The following SARM1 variants were observed in gnomAD, a reference collection of about 807,000 sequenced individuals.
The protein encoded by SARM1 is NAD(+) hydrolase SARM1.
A neutral mutation model predicts 65.1 loss-of-function variants in SARM1; 60 were observed. The observed-to-expected ratio is 0.92, with a 90% CI of 0.75 to 1.14. SARM1 has a LOEUF of 1.14. Among genes scored for constraint, SARM1 ranks in the 50% most tolerant of loss-of-function variants. SARM1 has a pLI of 0.00. For synonymous variants in SARM1, 417 were observed against 465.4 expected (o/e 0.90, Z 1.34); for missense variants, 913 against 1,015.7 (o/e 0.90, Z 1.37).
chr17:28,375,594 T>TAA (rs201007293), intron 1 of SARM1, among the ~76,000 whole-genome samples: 7 of 94,794 alleles, frequency 7.4e-5, no homozygotes, highest in South Asian at 3.1e-4. Context: ...AGACTCCATC[T>TAA]AAAAAAAAAA....
intron 2 of SARM1, among the ~76,000 whole-genome samples, chr17:28,382,662 G>A (rs569362722): frequency 6.6e-6 from 1 of 152,212 alleles, no homozygotes; most frequent in African/African-American, 2.4e-5. Flanking sequence ...CAGTAAATTG[G>A]ACCACAGCAG....
At position 28,381,675 on chromosome 17, in the gene SARM1, G is replaced by A. The variant is rs951188002; in HGVS notation, c.943G>A (p.Ala315Thr). The A allele has an allele frequency of 5.8e-6, 9 of 1,558,706 alleles. No individual in the cohort carries two copies. The African/African-American group carries it at 9.6e-5, about 17-fold the overall frequency. The change falls in exon 2 of 9, where the codon GCC becomes ACC. Residue 315 changes from alanine (A) to threonine (T), a missense_variant. By Grantham distance (58) the Ala-to-Thr change is moderately conservative (BLOSUM62 0). Coordinates refer to ENST00000585482, the MANE Select transcript of SARM1 (RefSeq NM_015077.4). Reference protein sequence around the residue: ...PGRFARCLVDASDTSQGRGPD... With the variant: ...PGRFARCLVDTSDTSQGRGPD... ...CCGCTTCGCCCGCTGTCTGGTGGAC[G>A]CCAGCGACACAAGCCAGGGCCGCGG... is the stretch of plus-strand genomic sequence containing the variant.
chr17:28,394,186 C>T (rs192283048), intron 7 of SARM1, among the ~76,000 whole-genome samples: 1 of 152,278 alleles, frequency 6.6e-6, no homozygotes, highest in Admixed American at 6.5e-5. Context: ...CCTAATTTGT[C>T]AGATGTGCAT....
In SARM1 at chr17:28,388,256, C is replaced by G. The variant is rs150052156; in HGVS notation, c.1713C>G (p.Asn571Lys). The G allele has an allele frequency of 1.3e-6, 2 of 1,554,502 alleles. No homozygotes were observed. The highest frequency in any genetic ancestry group is 1.7e-6 in the Non-Finnish European group (2 of 1,149,410). ...TPDVFISYRR[N>K]SGSQLASLLK... is the part of the protein sequence containing the mutation. ...ATGTCTTCATCAGCTACCGCCGGAA[C>G]TCAGGTTCCCAGCTGGCCAGGTGAG... is the stretch of plus-strand genomic sequence containing the variant. The change falls in exon 6 of 9, where the codon AAC (asparagine) becomes AAG (lysine). Residue 571 changes from asparagine (N) to lysine (K), a missense_variant. Asn to Lys is a moderately conservative substitution (Grantham distance 94, BLOSUM62 0). Around this residue, in one of 3 missense-constraint regions of SARM1, gnomAD observed 862 missense variants for 952.1 expected, o/e 0.91. Transcript: ENST00000585482.
Position 28,385,226 on chromosome 17 carries a change from C to A in SARM1, c.1581C>A (p.Cys527Ter). 1 of 1,592,788 alleles carries A rather than the reference C, an allele frequency of 6.3e-7. No individual in the cohort carries two copies. The highest frequency in any genetic ancestry group is 2.3e-5 in the East Asian group (1 of 43,948). The change falls in exon 5 of 9, where the codon TGC (cysteine) becomes TGA (stop). Residue 527 changes from cysteine to a stop codon, truncating the protein, a stop_gained. Transcript: ENST00000585482. LOFTEE classifies it high-confidence loss of function. The surrounding 1 kb of genome is among the most constrained non-coding windows in gnomAD (Gnocchi z 4.5). The stretch of plus-strand genomic sequence containing the variant: ...CTGAGCAGCAGCTGCTGGAAGACTG[C>A]GGCATCCACCTGGGCGTGCACCGCG... ...RVSEQQLLEDCGIHLGVHRAR... is the reference protein window; with the variant it reads ...RVSEQQLLED
rs2068064667 is a variant in SARM1 at position 28,388,535 on chromosome 17, A to C, written c.1919A>C (p.His640Pro). Residue 640 changes from histidine to proline, a missense_variant, in exon 7 of 9, where the codon CAT becomes CCT. His to Pro is a moderately conservative substitution (Grantham distance 77). This residue lies in a region of SARM1 where 862 missense variants were observed against 952.1 expected (regional missense o/e 0.91). Transcript: ENST00000585482. Reference sequence around the variant, plus strand: ...GACCATGACTGCAAGGATTGGGTGCATAAGGTAGGTGCCTGCCTATGCTTC... The same window carrying C: ...GACCATGACTGCAAGGATTGGGTGCCTAAGGTAGGTGCCTGCCTATGCTTC... ...MQDHDCKDWV[H>P]KEIVTALSCG... is the part of the protein sequence containing the mutation. 5 of 1,612,930 alleles carry C rather than the reference A, an allele frequency of 3.1e-6. No individual in the cohort carries two copies. The highest frequency in any genetic ancestry group is 4.2e-6 in the Non-Finnish European group (5 of 1,179,812).
intron 1 of SARM1, among the ~76,000 whole-genome samples, chr17:28,377,517 T>A (rs1257740944): frequency 6.6e-6 from 1 of 152,134 alleles, no homozygotes; most frequent in Admixed American, 6.5e-5. Flanking sequence ...GTTGGGAGGA[T>A]GAATTTAACC....
chr17:28,398,460 C>A lies in SARM1; in HGVS notation c.*2174C>A, dbSNP rs531209426. ...ATACTAGGACAAACACAGCTCAGATCACCAGGTCAAGCACCTAGGCCTGGC... is the reference window on the plus strand; with the variant it reads ...ATACTAGGACAAACACAGCTCAGATAACCAGGTCAAGCACCTAGGCCTGGC... On this transcript the variant is annotated 3_prime_UTR_variant, in exon 9 of 9. Transcript: ENST00000585482. The A allele has an allele frequency of 6.6e-6, 1 of 152,356 alleles. No individual in the cohort carries two copies. Among genetic ancestry groups the A allele is most frequent in the East Asian group, 1.9e-4 (1 of 5,192 alleles). 9.4% of individuals were successfully genotyped at this position (152,356 alleles called of 1,614,324 possible).
At position 28,384,385 on chromosome 17, in the gene SARM1, G is replaced by A; in HGVS notation, c.1118G>A (p.Ser373Asn). Residue 373 changes from serine (S) to asparagine (N), a missense_variant, in exon 3 of 9, where the codon AGC (serine) becomes AAC (asparagine). Physicochemically the swap from Ser to Asn is conservative, Grantham distance 46 (BLOSUM62 1). This residue lies in a region of SARM1 where 862 missense variants were observed against 952.1 expected (regional missense o/e 0.91). Transcript: ENST00000585482. The surrounding 1 kb of genome is among the most constrained non-coding windows in gnomAD (Gnocchi z 4.4). Reference sequence around the variant, plus strand: ...TTCAGCGACATCGGCGCCATCCAGAGCCTGAAACGCCTGGTTTCCTACTCT... The same window carrying A: ...TTCAGCGACATCGGCGCCATCCAGAACCTGAAACGCCTGGTTTCCTACTCT... The part of the protein sequence containing the change: ...KVFSDIGAIQ[S>N]LKRLVSYSTN... 5 of 1,606,404 alleles carry A rather than the reference G, an allele frequency of 3.1e-6. No individual in the cohort carries two copies. Among genetic ancestry groups the A allele is most frequent in the Non-Finnish European group, 4.3e-6 (5 of 1,175,592 alleles).
Position 28,399,806 on chromosome 17 carries a change from G to A in SARM1, c.*3520G>A. On this transcript the variant is annotated 3_prime_UTR_variant, in exon 9 of 9. Transcript: ENST00000585482. ...ACACAGGATTTACTGGGGTGGGCTG[G>A]TCCAGGTAGCTCTCCTGAACCTCCT... The A allele has an allele frequency of 7.4e-7, 1 of 1,353,868 alleles. No individual in the cohort carries two copies. 83.9% of individuals were successfully genotyped at this position (1,353,868 alleles called of 1,614,324 possible).
chr17:28,379,264 A>G (rs2068008252), intron 1 of SARM1, among the ~76,000 whole-genome samples: 1 of 151,330 alleles, frequency 6.6e-6, no homozygotes, highest in Non-Finnish European at 1.5e-5. Flanking sequence ...TTAGGTGAAG[A>G]AACTCTAGGA....
chr17:28,396,019 G>A lies in SARM1; in HGVS notation c.2038G>A (p.Gly680Ser), dbSNP rs781794589. The A allele has an allele frequency of 1.2e-5, 20 of 1,613,746 alleles. No homozygotes were observed. The highest frequency in any genetic ancestry group is 6.7e-5 in the East Asian group (3 of 44,870). The change falls in exon 8 of 9, where the codon GGT (glycine) becomes AGT (serine). Residue 680 changes from glycine to serine, a missense_variant. By Grantham distance (56) the Gly-to-Ser change is moderately conservative. Transcript: ENST00000585482. ...CATGCAGGCTGTGCTTACTTTCAAC[G>A]GTATCAAGTGAGCCCCAGGGCCCTG... ...EDMQAVLTFN[G>S]IKWSHEYQEA...
Position 28,400,407 on chromosome 17 carries a change from T to G in SARM1, c.*4121T>G, listed in dbSNP as rs1172189711. The G allele has an allele frequency of 1.7e-6, 1 of 604,114 alleles. No homozygotes were observed. Among genetic ancestry groups the G allele is most frequent in the African/African-American group, 1.9e-5 (1 of 53,768 alleles). The allele number at this position is 604,114 out of a possible 1,614,324, so 37.4% of individuals were successfully genotyped here. ...GCAGCAATGTTAGCCTGATCCTTCC[T>G]CCACCTAGCTCGCCATCTCGCCCTT... On this transcript the variant is annotated 3_prime_UTR_variant, in exon 9 of 9. Transcript: ENST00000585482.
rs1315908845 is a variant in SARM1, at chr17:28,380,086, CT to C, written c.471-1103del. Among the ~76,000 whole-genome samples, 202 of 93,858 alleles carry C rather than the reference CT, an allele frequency of 2.2e-3. 1 individual carries two copies. In the East Asian group the frequency reaches 0.027, roughly 12 times the overall value. 61.6% of individuals were successfully genotyped at this position (93,858 alleles called of 152,430 possible). A position where few individuals can be genotyped will look rare whatever the true frequency, so the allele number is the denominator to read the frequency against. ...TTTTTTTTTTTCTGTCTCTCTCTCTCTTTTTTTTTTTTTTCTTTTGACACAG... is the reference window on the plus strand; with the variant it reads ...TTTTTTTTTTTCTGTCTCTCTCTCTCTTTTTTTTTTTTTCTTTTGACACAG... On this transcript the variant is annotated intron_variant, in intron 1 of 8. Coordinates refer to ENST00000585482, the MANE Select transcript of SARM1 (RefSeq NM_015077.4).
chr17:28,386,757 T>A (rs2068051933), intron 5 of SARM1: 1 of 152,220 alleles, frequency 6.6e-6, no homozygotes, highest in East Asian at 1.9e-4. Flanking sequence ...TTAATTAATT[T>A]GAGACAAGGT....
rs782633511 is a variant in SARM1 at position 28,399,630 on chromosome 17, G to T, written c.*3344G>T. The T allele has an allele frequency of 3.1e-6, 5 of 1,613,356 alleles. No homozygotes were observed. The highest frequency in any genetic ancestry group is 4.2e-6 in the Non-Finnish European group (5 of 1,179,348). The stretch of plus-strand genomic sequence containing the variant: ...GCTTGGTGTTCACTTTGCTCCTCTT[G>T]CCCTCTGTCTTCTGGTCCAGGCAGA... On this transcript the variant is annotated 3_prime_UTR_variant, in exon 9 of 9. Coordinates refer to ENST00000585482, the MANE Select transcript of SARM1 (RefSeq NM_015077.4).
chr17:28,399,581 G>A lies in SARM1; in HGVS notation c.*3295G>A. On this transcript the variant is annotated 3_prime_UTR_variant, in exon 9 of 9. Transcript: ENST00000585482. The stretch of plus-strand genomic sequence containing the variant: ...AGTTGCTTGTCCTGCTGTGGGCTGG[G>A]CTTCCAGCTGCAGACCTCCAGTTGC... 6.7e-7 allele frequency: 1 copy of A among 1,494,380 alleles called. No homozygotes were observed. 92.6% of individuals were successfully genotyped at this position (1,494,380 alleles called of 1,614,324 possible).
chr17:28,379,820 G>A (rs571997425), intron 1 of SARM1, among the ~76,000 whole-genome samples: 14 of 152,274 alleles, frequency 9.2e-5, no homozygotes, highest in East Asian at 3.9e-4. Context: ...ACCATGAAGC[G>A]GATTTTGTTG....
Position 28,371,842 on chromosome 17 carries a change from C to T in SARM1, c.-191C>T, listed in dbSNP as rs1315785494. The T allele has an allele frequency of 6.5e-6, 3 of 461,938 alleles. No individual in the cohort carries two copies. The highest frequency in any genetic ancestry group is 1.1e-5 in the Non-Finnish European group (3 of 263,078). The allele number at this position is 461,938 out of a possible 1,614,324, so 28.6% of individuals were successfully genotyped here. ...TCTGGGCCTGCATCACCTTTGCCAA[C>T]CGCTCCCCCGATCCTGCCGACACTC... On this transcript the variant is annotated 5_prime_UTR_variant, in exon 1 of 9. Transcript: ENST00000585482.
Sources: allele counts gnomAD v4.1 joint callset (sites outside exome capture counted in the v4.1 genomes callset), GRCh38; gene constraint gnomAD v4.1.1; regional missense constraint gnomAD v4.1.1; non-coding constraint Gnocchi (gnomAD v3.1); transcripts MANE v1.5; gene names NCBI Gene and HGNC (gene_info 2026-07-23, HGNC 2026-07-21).